Variants in GSN observed in about 807,000 individuals in gnomAD.
The protein encoded by GSN is actin-depolymerizing factor.
A neutral mutation model predicts 85.7 loss-of-function variants in GSN; 56 were observed. The ratio of observed to expected loss-of-function variants is 0.65; its 90% confidence interval spans 0.53 to 0.82. GSN has a LOEUF of 0.82. Ranked by LOEUF, GSN falls within the 40% of genes least tolerant of loss-of-function variation. The pLI, the probability that GSN is intolerant of heterozygous loss-of-function variation, is 0.00. For synonymous variants in GSN, 373 were observed against 399.1 expected (o/e 0.93, Z 0.78); for missense variants, 857 against 979.8 (o/e 0.87, Z 1.67).
rs755630687 is a variant in GSN, at chr9:121,332,439, C to T, written c.2032C>T (p.Arg678Trp). Reference protein sequence around the residue: ...EKTEALTSAKRYIETDPANRD... With the variant: ...EKTEALTSAKWYIETDPANRD... ...TCTTGCACGTGTGTCTGCAGCTAAG[C>T]GGTACATCGAGACGGACCCAGCCAA... The change falls in exon 18 of 18, where the codon CGG becomes TGG. Residue 678 changes from arginine (R) to tryptophan (W), a missense_variant. Transcript: ENST00000432226. The surrounding 1 kb of genome is among the most constrained non-coding windows in gnomAD (Gnocchi z 4.8). The T allele has an allele frequency of 1.6e-5, 26 of 1,613,700 alleles. No individual in the cohort carries two copies. The highest frequency in any genetic ancestry group is 3.3e-5 in the South Asian group (3 of 91,072).
At chr9:121,207,760 C>G, upstream of GSN, 1 of 39,066 alleles carries the variant, frequency 2.6e-5, no homozygotes. Context: ...CTTAACTTCT[C>G]TCTTTTTTTT....
intron 2 of GSN, among the ~76,000 whole-genome samples, chr9:121,298,567 C>T (rs2059435316): frequency 1.3e-5 from 2 of 152,096 alleles, no homozygotes; most frequent in Non-Finnish European, 1.5e-5. Context: ...TAGCTGCTGG[C>T]CAGGCTATTT....
chr9:121,227,123 G>A (rs1399753482), intron 4 of GSN, among the ~76,000 whole-genome samples: 1 of 152,178 alleles, frequency 6.6e-6, no homozygotes, highest in African/African-American at 2.4e-5. Flanking sequence ...GCTTGGCATG[G>A]TGGCTCACAC....
At chr9:121,271,963 C>T (rs185727408) in intron 1 of GSN, among the ~76,000 whole-genome samples, 3 of 152,328 alleles carry the variant, frequency 2.0e-5, no homozygotes, top group African/African-American at 4.8e-5. Context: ...CTCTCCTGCT[C>T]CTTGGTTATT....
intron 6 of GSN, among the ~76,000 whole-genome samples, chr9:121,252,216 TA>T (rs933830377): frequency 1.3e-5 from 2 of 152,096 alleles, no homozygotes; most frequent in African/African-American, 4.8e-5. Context: ...GAGCTGGGCT[TA>T]AAAGGAGAAG....
At chr9:121,287,064 A>AGTCTTGGAGCCTCCGACTCCAC (rs374025682) in intron 2 of GSN, among the ~76,000 whole-genome samples, 122 of 152,250 alleles carry the variant, frequency 8.0e-4, no homozygotes, top group African/African-American at 2.8e-3. Context: ...TGAGACTCCA[A>AGTCTTGGAGCCTCCGACTCCAC]GTCTTGGAGC....
chr9:121,206,269 T>C (rs1360925902), upstream of GSN, among the ~76,000 whole-genome samples: 1 of 152,074 alleles, frequency 6.6e-6, no homozygotes, highest in African/African-American at 2.4e-5. Context: ...TGAGATCAGG[T>C]GCGGTCATGG....
intron 5 of GSN, among the ~76,000 whole-genome samples, chr9:121,234,802 T>C (rs115925678): frequency 0.017 from 2,624 of 152,258 alleles, 73 homozygotes; most frequent in African/African-American, 0.06. Context: ...TGAGCTATGA[T>C]TGCATCACCA....
chr9:121,217,741 T>G (rs2132097094), intron 4 of GSN, among the ~76,000 whole-genome samples: 1 of 151,346 alleles, frequency 6.6e-6, no homozygotes, highest in Admixed American at 6.6e-5. Flanking sequence ...CAACAGCCAT[T>G]TCTTTAAATT....
chr9:121,223,733 C>G (rs1010428637), intron 4 of GSN, among the ~76,000 whole-genome samples: 7 of 152,146 alleles, frequency 4.6e-5, no homozygotes, highest in African/African-American at 1.7e-4. Flanking sequence ...AATCTCAGCT[C>G]GCTGCAAACC....
At chr9:121,229,109 C>T (rs2054335821) in intron 4 of GSN, among the ~76,000 whole-genome samples, 1 of 152,130 alleles carries the variant, frequency 6.6e-6, no homozygotes, top group Admixed American at 6.5e-5. Flanking sequence ...TTTTAATTTT[C>T]GTCCAGTAGT....
intron 6 of GSN, among the ~76,000 whole-genome samples, chr9:121,251,184 G>GTTATTTTTTTTTTTTT (rs1339859188): frequency 4.7e-4 from 3 of 6,370 alleles, no homozygotes; most frequent in African/African-American, 1.8e-3. Flanking sequence ...CAGCTGATGT[G>GTTATTTTTTTTTTTTT]TTCTTTTTTT....
intron 4 of GSN, among the ~76,000 whole-genome samples, chr9:121,213,958 CA>C (rs2054011741): frequency 6.6e-6 from 1 of 152,226 alleles, no homozygotes; most frequent in African/African-American, 2.4e-5. Context: ...TAGATCCAGA[CA>C]AAAGCACAGA....
chr9:121,298,399 C>T (rs1275119219), intron 2 of GSN, among the ~76,000 whole-genome samples: 1 of 152,150 alleles, frequency 6.6e-6, no homozygotes, highest in Non-Finnish European at 1.5e-5. Context: ...CTCTGTGTTC[C>T]TTTAGTCTTT....
intron 2 of GSN, chr9:121,284,968 A>C (rs913767): frequency 0.72 from 119,791 of 166,994 alleles, 43,252 homozygotes; most frequent in South Asian, 0.81. Flanking sequence ...GTTATCCCCG[A>C]ATTGGCCGGC....
At chr9:121,317,000 CA>C (rs2061785760) in intron 7 of GSN, 85 bp from the exon 8 acceptor site, 12 of 1,567,844 alleles carry the variant, frequency 7.7e-6, no homozygotes, top group African/African-American at 1.3e-5. Flanking sequence ...CCATTTGGGA[CA>C]GGGGGTGGGG....
chr9:121,286,325 C>T, intron 2 of GSN: 1 of 641,166 alleles, frequency 1.6e-6, no homozygotes, highest in Non-Finnish European at 2.7e-6. Context: ...AGTTCCAATT[C>T]TATTCTCTCC....
intron 4 of GSN, among the ~76,000 whole-genome samples, chr9:121,305,741 G>T (rs1329425179): frequency 1.3e-5 from 2 of 152,224 alleles, no homozygotes; most frequent in Admixed American, 6.5e-5. Flanking sequence ...CCTGAAAGGC[G>T]CTGGCTCCTG....
intron 5 of GSN, chr9:121,238,287 C>T (rs1489265023): frequency 3.9e-5 from 6 of 152,490 alleles, no homozygotes; most frequent in Non-Finnish European, 5.9e-5. Context: ...GACCCACCCT[C>T]AATCTGGGTG....
Sources: allele counts gnomAD v4.1 joint callset (sites outside exome capture counted in the v4.1 genomes callset), GRCh38; gene constraint gnomAD v4.1.1; non-coding constraint Gnocchi (gnomAD v3.1); transcripts MANE v1.5; gene names NCBI Gene and HGNC (gene_info 2026-07-23, HGNC 2026-07-21).